GFOD1: variants seen among roughly 807,000 people sequenced by gnomAD.
GFOD1 encodes glucose-fructose oxidoreductase domain-containing protein 1.
Under a neutral mutation model 25.4 loss-of-function variants are expected in GFOD1, and 9 were observed. The ratio of observed to expected loss-of-function variants is 0.35; its 90% confidence interval spans 0.21 to 0.62. The LOEUF is 0.62. Ranked by LOEUF, GFOD1 falls within the 20% of genes least tolerant of loss-of-function variation. GFOD1 has a pLI of 0.72. For missense variants in GFOD1, 403 were observed against 556.9 expected, an observed-to-expected ratio of 0.72 and a Z score of 2.78; for synonymous variants, 253 against 245.6, an observed-to-expected ratio of 1.03 and a Z score of -0.28.
At chr6:13,479,779 A>T (rs1217297266) in intron 1 of GFOD1, among the ~76,000 whole-genome samples, 1 of 152,220 alleles carries the variant, frequency 6.6e-6, no homozygotes, top group Non-Finnish European at 1.5e-5. Context: ...TTTCCTAACA[A>T]TAATGCCCAA....
chr6:13,441,410 G>A (rs1757914144), intron 1 of GFOD1, among the ~76,000 whole-genome samples: 1 of 152,184 alleles, frequency 6.6e-6, no homozygotes, highest in Admixed American at 6.5e-5. Context: ...CGTAACTTAC[G>A]CATCACATAG....
chr6:13,424,883 C>T (rs1786325049), intron 1 of GFOD1, among the ~76,000 whole-genome samples: 3 of 151,550 alleles, frequency 2.0e-5, no homozygotes. Flanking sequence ...TGTAGCAGCT[C>T]CAAAATTTAT....
At chr6:13,451,872 A>G (rs1758104723) in intron 1 of GFOD1, among the ~76,000 whole-genome samples, 1 of 152,106 alleles carries the variant, frequency 6.6e-6, no homozygotes, top group African/African-American at 2.4e-5. Flanking sequence ...CTAGGGCCCC[A>G]CTCACCACCA....
chr6:13,431,329 G>T lies in GFOD1; in HGVS notation c.253+55309C>A, dbSNP rs560870158. Among the ~76,000 whole-genome samples the T allele has an allele frequency of 7.2e-5, 11 of 152,302 alleles. No homozygotes were observed. The South Asian group carries it at 1.5e-3, about 20-fold the overall frequency. The stretch of plus-strand genomic sequence containing the variant: ...TGAGGCTCAGAAATGTTAAGCAATT[G>T]TTCCAAGGTCATTTAGTCTGAGTCA... On this transcript the variant is annotated intron_variant, in intron 1 of 1. Transcript: ENST00000379287.
At chr6:13,460,713 A>G (rs1758276316) in intron 1 of GFOD1, among the ~76,000 whole-genome samples, 1 of 152,180 alleles carries the variant, frequency 6.6e-6, no homozygotes, top group Non-Finnish European at 1.5e-5. Context: ...AATGCATGCA[A>G]GATAAATATC....
rs200698442 is a variant in GFOD1, at chr6:13,364,999, G to A, written c.917C>T (p.Thr306Ile). Residue 306 changes from threonine (T) to isoleucine (I), a missense_variant, in exon 2 of 2, where the codon ACC becomes ATC. Transcript: ENST00000379287. This position sits in a 1 kb window ranked among gnomAD's most constrained non-coding sequence, Gnocchi z 4.1. ...SDIPSPYLRG[T>I]IKMMQAVRQA... The stretch of plus-strand genomic sequence containing the variant: ...GCGCACCGCCTGCATCATCTTGATG[G>A]TGCCGCGCAGGTAGGGCGAGGGGAT... 1.6e-5 allele frequency: 26 copies of A among 1,610,282 alleles called. No homozygotes were observed. Among genetic ancestry groups the A allele is most frequent in the Non-Finnish European group, 2.0e-5 (24 of 1,179,894 alleles).
rs747077141 is a variant in GFOD1 at position 13,360,494 on chromosome 6, G to A, written c.*4249C>T. ...TCCCTGAGAAAGGACATTTTCCTAC[G>A]TTATATTCAGACCCCCAAGAGCAAA... On this transcript the variant is annotated 3_prime_UTR_variant, in exon 2 of 2. Coordinates refer to ENST00000379287, the MANE Select transcript of GFOD1 (RefSeq NM_018988.4). 10 of 351,884 alleles carry A rather than the reference G, an allele frequency of 2.8e-5. No homozygotes were observed. The highest frequency in any genetic ancestry group is 4.5e-5 in the Non-Finnish European group (8 of 177,462). The allele number at this position is 351,884 out of a possible 1,614,324, so 21.8% of individuals were successfully genotyped here.
chr6:13,371,468 G>A (rs1300742447), intron 1 of GFOD1, among the ~76,000 whole-genome samples: 1 of 152,120 alleles, frequency 6.6e-6, no homozygotes, highest in Non-Finnish European at 1.5e-5. Flanking sequence ...GCAAAATGTG[G>A]TGCCCACTTT....
In GFOD1 at chr6:13,486,364, C is replaced by T. The variant is rs901173607; in HGVS notation, c.253+274G>A. The T allele has an allele frequency of 3.5e-5, 19 of 546,320 alleles. No individual in the cohort carries two copies. In the South Asian group the frequency reaches 3.7e-4, roughly 11 times the overall value. The allele number at this position is 546,320 out of a possible 1,614,324, so 33.8% of individuals were successfully genotyped here. ...GGCATCTGATCTTCCTAGTTCGGAT[C>T]CCCGGAACACACGCCTTCTCCAGCC... On this transcript the variant is annotated intron_variant, in intron 1 of 1. Transcript: ENST00000379287.
chr6:13,416,429 A>G (rs1786163696), intron 1 of GFOD1, among the ~76,000 whole-genome samples: 1 of 152,256 alleles, frequency 6.6e-6, no homozygotes, highest in African/African-American at 2.4e-5. Context: ...ACAAGAAGGA[A>G]CTTACTTTAG....
At chr6:13,392,306 T>G (rs1326051609) in intron 1 of GFOD1, among the ~76,000 whole-genome samples, 3 of 139,854 alleles carry the variant, frequency 2.1e-5, no homozygotes, top group Non-Finnish European at 1.5e-5. Flanking sequence ...GAGGTTGCAC[T>G]GCATGCCAGT....
At chr6:13,444,723 A>G (rs559253549) in intron 1 of GFOD1, among the ~76,000 whole-genome samples, 1 of 152,338 alleles carries the variant, frequency 6.6e-6, no homozygotes, top group Admixed American at 6.5e-5. Context: ...TTCTTTAGAC[A>G]TAATACTACT....
At chr6:13,452,460 A>G (rs1412964280) in intron 1 of GFOD1, among the ~76,000 whole-genome samples, 1 of 152,174 alleles carries the variant, frequency 6.6e-6, no homozygotes, top group African/African-American at 2.4e-5. Flanking sequence ...AGGCAGTTGT[A>G]GCTCACAGTT....
chr6:13,362,448 C>A lies in GFOD1; in HGVS notation c.*2295G>T, dbSNP rs551443343. On this transcript the variant is annotated 3_prime_UTR_variant, in exon 2 of 2. Coordinates refer to ENST00000379287, the MANE Select transcript of GFOD1 (RefSeq NM_018988.4). ...CTGCACTCCAGCTTGGGTGACAGAG[C>A]GAGACTCCATTTCAAAAAAAAAAAA... 7.4e-5 allele frequency: 10 copies of A among 134,274 alleles called. No individual in the cohort carries two copies. Among genetic ancestry groups the A allele is most frequent in the Non-Finnish European group, 1.4e-4 (9 of 65,672 alleles). 8.3% of individuals were successfully genotyped at this position (134,274 alleles called of 1,614,324 possible).
chr6:13,389,071 C>G (rs1027719062), intron 1 of GFOD1, among the ~76,000 whole-genome samples: 3 of 152,224 alleles, frequency 2.0e-5, no homozygotes, highest in Non-Finnish European at 4.4e-5. Flanking sequence ...GAGATACCAT[C>G]TCACACCAGT....
intron 1 of GFOD1, among the ~76,000 whole-genome samples, chr6:13,427,336 C>A (rs1757657435): frequency 1.3e-4 from 20 of 152,110 alleles, no homozygotes; most frequent in Admixed American, 1.3e-3. Flanking sequence ...ACATAGAAAA[C>A]TGTGAAGAGT....
chr6:13,471,082 G>T (rs1758493160), intron 1 of GFOD1, among the ~76,000 whole-genome samples: 1 of 152,178 alleles, frequency 6.6e-6, no homozygotes, highest in Admixed American at 6.5e-5. Context: ...GAGAGAGGAG[G>T]AATAAAGTCG....
intron 1 of GFOD1, among the ~76,000 whole-genome samples, chr6:13,396,981 C>T (rs1354585928): frequency 6.6e-6 from 1 of 152,152 alleles, no homozygotes; most frequent in Non-Finnish European, 1.5e-5. Context: ...ATATTTACCT[C>T]CCAGGAGGAA....
rs2496162 is a variant in GFOD1 at position 13,360,856 on chromosome 6, A to G, written c.*3887T>C. 266,855 of 456,410 alleles carry G rather than the reference A, an allele frequency of 0.58. 78,935 individuals are homozygous for G. Among genetic ancestry groups the G allele is most frequent in the Admixed American group, 0.68 (29,092 of 42,556 alleles). The allele number at this position is 456,410 out of a possible 1,614,324, so 28.3% of individuals were successfully genotyped here. On this transcript the variant is annotated 3_prime_UTR_variant, in exon 2 of 2. Coordinates refer to ENST00000379287, the MANE Select transcript of GFOD1 (RefSeq NM_018988.4). ...AGGAGCGGTTTCCTGCCTGGCAAGA[A>G]CAGGAGGTGCCCACATCTCTTCCTG...
Sources: gnomAD v4.1 joint callset for allele counts (sites outside exome capture counted in the v4.1 genomes callset) on GRCh38, gnomAD v4.1.1 for gene constraint, Gnocchi (gnomAD v3.1) non-coding constraint, MANE v1.5 for transcripts, NCBI Gene and HGNC (gene_info 2026-07-23, HGNC 2026-07-21) for gene names.